Variants in SLC4A4 observed in about 807,000 individuals in gnomAD.
SLC4A4 encodes electrogenic sodium bicarbonate cotransporter 1.
In SLC4A4, 27 loss-of-function variants were observed where a neutral mutation model predicts 111.5. The ratio of observed to expected loss-of-function variants is 0.24; its 90% CI spans 0.18 to 0.33. The LOEUF (loss-of-function observed/expected upper bound fraction) is 0.33. Ranked by LOEUF, SLC4A4 falls within the 10% of genes least tolerant of loss-of-function variation. The pLI is 1.00. For synonymous variants in SLC4A4, 443 were observed against 463.4 expected (o/e 0.96, Z 0.57); for missense variants, 909 against 1,315.5 (o/e 0.69, Z 4.78).
At chr4:71,127,458 A>T (rs1367950618) in intron 2 of SLC4A4, among the ~76,000 whole-genome samples, 1 of 152,202 alleles carries the variant, frequency 6.6e-6, no homozygotes, top group Non-Finnish European at 1.5e-5. Flanking sequence ...CCACCCATAT[A>T]TCTTTTGGTA....
chr4:71,402,785 G>A (rs554203791), intron 7 of SLC4A4, among the ~76,000 whole-genome samples: 2 of 152,328 alleles, frequency 1.3e-5, no homozygotes, highest in African/African-American at 4.8e-5. Context: ...GGGAACTTGT[G>A]TAGCCATGCA....
chr4:71,151,690 G>T (rs756692472), intron 2 of SLC4A4, among the ~76,000 whole-genome samples: 2 of 151,338 alleles, frequency 1.3e-5, no homozygotes, highest in African/African-American at 2.4e-5. Flanking sequence ...GGGCTGAGGC[G>T]GGAGGATCAC....
At chr4:71,263,020 C>G (rs1308893264) in intron 3 of SLC4A4, among the ~76,000 whole-genome samples, 1 of 142,732 alleles carries the variant, frequency 7.0e-6, no homozygotes, top group Non-Finnish European at 1.5e-5. Context: ...CCCCTCCCCC[C>G]ACTCCACAAC....
intron 2 of SLC4A4, among the ~76,000 whole-genome samples, chr4:71,254,225 G>A (rs1156275851): frequency 1.3e-5 from 2 of 152,142 alleles, no homozygotes; most frequent in Non-Finnish European, 2.9e-5. Context: ...TTCTCAAATG[G>A]TAGTTCCTAA....
intron 7 of SLC4A4, among the ~76,000 whole-genome samples, chr4:71,426,713 A>G (rs1723176098): frequency 6.6e-6 from 1 of 152,166 alleles, no homozygotes; most frequent in Non-Finnish European, 1.5e-5. Context: ...AACCTAAGAA[A>G]AATATAATTG....
At chr4:71,241,153 A>G (rs894117728) in intron 2 of SLC4A4, among the ~76,000 whole-genome samples, 2 of 152,048 alleles carry the variant, frequency 1.3e-5, no homozygotes, top group Non-Finnish European at 2.9e-5. Flanking sequence ...AGAAAAAAGA[A>G]GTTTTGTTAT....
intron 3 of SLC4A4, 97 bp downstream of exon 3, chr4:71,255,496 CT>C (rs2149061350): frequency 1.2e-5 from 14 of 1,167,974 alleles, no homozygotes; most frequent in Non-Finnish European, 1.8e-5. Flanking sequence ...GGGAGGGACA[CT>C]GTAATACTGA....
chr4:71,308,190 GA>G (rs1192474121), intron 3 of SLC4A4, among the ~76,000 whole-genome samples: 1 of 151,892 alleles, frequency 6.6e-6, no homozygotes, highest in Non-Finnish European at 1.5e-5. Flanking sequence ...AGTGCTTTGA[GA>G]AAAAAAATCA....
chr4:71,362,679 C>T (rs145793009), intron 6 of SLC4A4, among the ~76,000 whole-genome samples: 372 of 152,288 alleles, frequency 2.4e-3, no homozygotes, highest in Non-Finnish European at 4.5e-3. Context: ...CATCATAGCC[C>T]TCTTACGTAA....
intron 6 of SLC4A4, 44 bp downstream of exon 6, chr4:71,357,231 C>A: frequency 6.3e-7 from 1 of 1,580,462 alleles, no homozygotes; most frequent in Non-Finnish European, 8.7e-7. Context: ...TTACTTATTT[C>A]ACTCACCTTT....
intron 1 of SLC4A4, among the ~76,000 whole-genome samples, chr4:71,223,327 C>T (rs567816241): frequency 3.9e-5 from 6 of 151,964 alleles, no homozygotes; most frequent in Non-Finnish European, 8.8e-5. Flanking sequence ...AGGCACCCAC[C>T]CCCGCGCCTG....
At chr4:71,208,387 C>T (rs984731705) in intron 1 of SLC4A4, among the ~76,000 whole-genome samples, 3 of 150,666 alleles carry the variant, frequency 2.0e-5, no homozygotes, top group African/African-American at 4.9e-5. Context: ...GCTGAGATCG[C>T]ACCACTGCAC....
chr4:71,253,802 A>G (rs1343097225), intron 2 of SLC4A4, among the ~76,000 whole-genome samples: 1 of 152,152 alleles, frequency 6.6e-6, no homozygotes, highest in African/African-American at 2.4e-5. Flanking sequence ...GTAGTAGCTG[A>G]GTTGCTGCGT....
intron 16 of SLC4A4, among the ~76,000 whole-genome samples, chr4:71,510,111 G>A (rs1216870188): frequency 6.6e-6 from 1 of 152,130 alleles, no homozygotes; most frequent in African/African-American, 2.4e-5. Flanking sequence ...GTGAGGACAG[G>A]GGACTCTCCT....
At chr4:71,472,469 T>C (rs889894546) in intron 13 of SLC4A4, among the ~76,000 whole-genome samples, 1 of 151,962 alleles carries the variant, frequency 6.6e-6, no homozygotes, top group African/African-American at 2.4e-5. Flanking sequence ...ATATAAATGA[T>C]ATAACTACTT....
At chr4:71,145,008 G>T (rs189459993) in intron 2 of SLC4A4, among the ~76,000 whole-genome samples, 386 of 152,174 alleles carry the variant, frequency 2.5e-3, no homozygotes, top group African/African-American at 4.4e-3. Context: ...GTGAGAGAGG[G>T]CATCCGTGTC....
At chr4:71,458,542 G>T (rs1018706146) in intron 12 of SLC4A4, among the ~76,000 whole-genome samples, 1 of 151,994 alleles carries the variant, frequency 6.6e-6, no homozygotes, top group African/African-American at 2.4e-5. Context: ...TAGATTCTGT[G>T]AATTTTGTGA....
intron 2 of SLC4A4, among the ~76,000 whole-genome samples, chr4:71,154,977 C>T (rs1378673604): frequency 2.9e-4 from 44 of 152,220 alleles, no homozygotes; most frequent in South Asian, 6.2e-4. Context: ...AGCTACAATA[C>T]GGTCTAAATT....
intron 12 of SLC4A4, among the ~76,000 whole-genome samples, chr4:71,457,445 G>T (rs1023214673): frequency 6.6e-6 from 1 of 152,100 alleles, no homozygotes; most frequent in African/African-American, 2.4e-5. Flanking sequence ...GTAAACTTTA[G>T]CTACGGCTTC....
Sources: gnomAD v4.1 joint callset for allele counts (sites outside exome capture counted in the v4.1 genomes callset) on GRCh38, gnomAD v4.1.1 for gene constraint, MANE v1.5 for transcripts, NCBI Gene and HGNC (gene_info 2026-07-23, HGNC 2026-07-21) for gene names.